ROBO1: variants seen among roughly 807,000 people sequenced by gnomAD.
ROBO1 encodes the protein roundabout homolog 1.
A neutral mutation model predicts 195.9 loss-of-function variants in ROBO1; 149 were observed. The ratio of observed to expected loss-of-function variants is 0.76; its 90% CI spans 0.67 to 0.87. The LOEUF (loss-of-function observed/expected upper bound fraction) is 0.87. ROBO1 is among the 40% of genes least tolerant of loss of function. The pLI is 0.00. For missense variants in ROBO1, 1,933 were observed against 2,068.3 expected (o/e 0.93, Z 1.27); for synonymous variants, 816 against 733.2 (o/e 1.11, Z -1.82).
chr3:79,577,560 A>G (rs902105778), intron 2 of ROBO1, among the ~76,000 whole-genome samples: 4 of 152,270 alleles, frequency 2.6e-5, no homozygotes, highest in South Asian at 2.1e-4. Context: ...AGGTATTTGG[A>G]TAAAGGATTT....
At chr3:78,735,482 A>G (rs2082373144) in intron 5 of ROBO1, among the ~76,000 whole-genome samples, 2 of 152,186 alleles carry the variant, frequency 1.3e-5, no homozygotes, top group South Asian at 4.1e-4. Context: ...AAATTGCTGC[A>G]ATTTATTTTC....
chr3:79,358,271 A>G (rs755388455), intron 2 of ROBO1, among the ~76,000 whole-genome samples: 14 of 152,150 alleles, frequency 9.2e-5, no homozygotes, highest in Non-Finnish European at 2.1e-4. Context: ...TAATCATTAC[A>G]TATAGATACG....
intron 2 of ROBO1, among the ~76,000 whole-genome samples, chr3:79,255,275 G>C (rs1007039781): frequency 3.2e-4 from 49 of 152,130 alleles, no homozygotes; most frequent in African/African-American, 1.1e-3. Flanking sequence ...AGGATGGCTT[G>C]AGCCCAGGAG....
intron 2 of ROBO1, among the ~76,000 whole-genome samples, chr3:79,213,896 GC>G (rs2082009294): frequency 6.9e-6 from 1 of 145,096 alleles, no homozygotes; most frequent in African/African-American, 2.5e-5. Context: ...CACAATCTCG[GC>G]TCACTGCAAC....
At position 78,951,208 on chromosome 3, in the gene ROBO1, A is replaced by G. The variant is rs574865639; in HGVS notation, c.173-12281T>C. On this transcript the variant is annotated intron_variant, in intron 3 of 30. Coordinates refer to ENST00000464233, the MANE Select transcript of ROBO1 (RefSeq NM_002941.4). ...TGAAAGCCTCCAAGTCCCAGATATC[A>G]GTGATTGCAGTCTTCCACCCTAAAA... is the stretch of plus-strand genomic sequence containing the variant. 4.4e-4 allele frequency among the ~76,000 whole-genome samples: 67 copies of G among 151,942 alleles called. No individual in the cohort carries two copies. In the South Asian group the frequency reaches 6.8e-3, roughly 16 times the overall value.
intron 3 of ROBO1, among the ~76,000 whole-genome samples, chr3:79,108,827 T>C (rs2079832845): frequency 6.6e-6 from 1 of 151,914 alleles, no homozygotes; most frequent in African/African-American, 2.4e-5. Flanking sequence ...TGAAAGGATT[T>C]TGTGCATCTC....
intron 4 of ROBO1, among the ~76,000 whole-genome samples, chr3:78,933,108 T>C (rs2039620901): frequency 6.6e-6 from 1 of 152,116 alleles, no homozygotes; most frequent in Admixed American, 6.5e-5. Context: ...AGTTTTAAGA[T>C]AGACTATAAC....
intron 3 of ROBO1, among the ~76,000 whole-genome samples, chr3:79,076,345 A>G (rs1388022913): frequency 2.0e-5 from 3 of 149,702 alleles, no homozygotes; most frequent in African/African-American, 7.3e-5. Flanking sequence ...GTAATTGAAG[A>G]AATTACCATT....
chr3:79,424,056 T>C (rs989418438), intron 2 of ROBO1, among the ~76,000 whole-genome samples: 1 of 152,090 alleles, frequency 6.6e-6, no homozygotes, highest in Non-Finnish European at 1.5e-5. Flanking sequence ...ACTCTTGTAG[T>C]TTCTTCTTTT....
At chr3:79,344,310 G>A (rs1458110202) in intron 2 of ROBO1, among the ~76,000 whole-genome samples, 1 of 152,064 alleles carries the variant, frequency 6.6e-6, no homozygotes, top group African/African-American at 2.4e-5. Context: ...ACAAATTGGG[G>A]GTGGGGGAAA....
chr3:78,604,216 G>A (rs60414921), intron 29 of ROBO1, among the ~76,000 whole-genome samples: 37,896 of 151,842 alleles, frequency 0.25, 4,849 homozygotes, highest in Middle Eastern at 0.37. Flanking sequence ...GATTACAGGT[G>A]CACACAACCA....
intron 2 of ROBO1, among the ~76,000 whole-genome samples, chr3:79,231,496 CA>C (rs2082320844): frequency 6.6e-6 from 1 of 151,904 alleles, no homozygotes; most frequent in Non-Finnish European, 1.5e-5. Context: ...AAATGCAAAT[CA>C]AAACCACCGT....
chr3:79,114,670 TGG>T (rs2079957674), intron 3 of ROBO1, among the ~76,000 whole-genome samples: 1 of 152,212 alleles, frequency 6.6e-6, no homozygotes, highest in Admixed American at 6.5e-5. Context: ...GTGAATTTTG[TGG>T]GGTCTAGTCA....
chr3:79,714,080 T>C (rs975952933), intron 1 of ROBO1, among the ~76,000 whole-genome samples: 1 of 151,844 alleles, frequency 6.6e-6, no homozygotes, highest in African/African-American at 2.4e-5. Context: ...ATGCAGGCTC[T>C]TTTTTGCAAC....
At position 79,278,517 on chromosome 3, in the gene ROBO1, G is replaced by T. The variant is rs1312819227; in HGVS notation, c.89-152978C>A. On this transcript the variant is annotated intron_variant, in intron 2 of 30. Transcript: ENST00000464233. ...ATACAGACCAATGGAACCGGTTAGA[G>T]AACTCAGAAATTAATCTAAAAATCT... Among the ~76,000 whole-genome samples, 3 of 152,156 alleles carry T rather than the reference G, an allele frequency of 2.0e-5. No homozygotes were observed. In the South Asian group the frequency reaches 6.2e-4, roughly 32 times the overall value.
intron 2 of ROBO1, among the ~76,000 whole-genome samples, chr3:79,587,975 T>G (rs2107811117): frequency 6.6e-6 from 1 of 151,780 alleles, no homozygotes; most frequent in East Asian, 1.9e-4. Context: ...TCTGTAGTCC[T>G]GAAAAAAAAG....
At chr3:79,083,268 A>T (rs1177652790) in intron 3 of ROBO1, among the ~76,000 whole-genome samples, 2 of 152,196 alleles carry the variant, frequency 1.3e-5, no homozygotes. Flanking sequence ...AGAAAAAAAC[A>T]AAAGGGTTTC....
chr3:78,847,230 AC>A lies in ROBO1; in HGVS notation c.499+91370del, dbSNP rs1428230255. Among the ~76,000 whole-genome samples the A allele has an allele frequency of 3.9e-5, 6 of 152,170 alleles. No homozygotes were observed. The East Asian group carries it at 1.2e-3, about 29-fold the overall frequency. On this transcript the variant is annotated intron_variant, in intron 4 of 30. Transcript: ENST00000464233. The stretch of plus-strand genomic sequence containing the variant: ...GAAATCATATGGAGGATGGAATATA[AC>A]TTCTTAAGAAACTAAGTTTACCTTG...
At chr3:79,408,167 G>A (rs1365045810) in intron 2 of ROBO1, among the ~76,000 whole-genome samples, 1 of 151,920 alleles carries the variant, frequency 6.6e-6, no homozygotes. Flanking sequence ...GTGGTGAGCT[G>A]AGATCATGCC....
Sources: gnomAD v4.1 joint callset for allele counts (sites outside exome capture counted in the v4.1 genomes callset) on GRCh38, gnomAD v4.1.1 for gene constraint, MANE v1.5 for transcripts, NCBI Gene and HGNC (gene_info 2026-07-23, HGNC 2026-07-21) for gene names.